Variants in ZNF233 observed in about 807,000 individuals in gnomAD.
The protein encoded by ZNF233 is zinc finger protein 233.
A neutral mutation model predicts 11.6 loss-of-function variants in ZNF233; 7 were observed. That is an observed-to-expected ratio of 0.60 (90% CI 0.34 to 1.13). ZNF233 has a LOEUF of 1.13. Ranked by LOEUF, ZNF233 falls within the 50% of genes most tolerant of loss-of-function variation. The pLI is 0.03. For missense variants in ZNF233, 711 were observed against 785.5 expected (o/e 0.91, Z 1.13); for synonymous variants, 226 against 268.5 (o/e 0.84, Z 1.55).
In ZNF233 at chr19:44,272,934, G is replaced by A. The variant is rs140047619; in HGVS notation, c.274G>A (p.Glu92Lys). The change falls in exon 5 of 5, where the codon GAA becomes AAA. Residue 92 changes from glutamate to lysine, a missense_variant. By Grantham distance (56) the Glu-to-Lys change is moderately conservative. Transcript: ENST00000683810. ...TCAAAATGAGATAGATACCCTTCAA[G>A]AAGTAAGATTAAGATTCCTTTCATA... ...KNQNEIDTLQ[E>K]VRLRFLSYED... 6.3e-4 allele frequency: 1,015 copies of A among 1,602,414 alleles called. 3 individuals are homozygous for A. Among genetic ancestry groups the A allele is most frequent in the South Asian group, 2.9e-3 (260 of 89,318 alleles).
At position 44,264,385 on chromosome 19, in the gene ZNF233, G is replaced by T. The variant is rs372144431; in HGVS notation, c.15+10G>T. On this transcript the variant is annotated intron_variant, in intron 2 of 4. Coordinates refer to ENST00000683810, the MANE Select transcript of ZNF233 (RefSeq NM_001207005.2). Reference sequence around the variant, plus strand: ...AATGACCAAGTTTCAGGTGAGTTGAGTTTTGATTTTTATCTCTTAAAATGA... The same window carrying T: ...AATGACCAAGTTTCAGGTGAGTTGATTTTTGATTTTTATCTCTTAAAATGA... 1 of 1,611,424 alleles carries T rather than the reference G, an allele frequency of 6.2e-7. No individual in the cohort carries two copies. The highest frequency in any genetic ancestry group is 1.3e-5 in the African/African-American group (1 of 74,732).
chr19:44,274,391 A>C lies in ZNF233; in HGVS notation c.1731A>C (p.Ser577=), dbSNP rs746339529. The C allele has an allele frequency of 6.2e-7, 1 of 1,613,726 alleles. No homozygotes were observed. The highest frequency in any genetic ancestry group is 8.5e-7 in the Non-Finnish European group (1 of 1,179,946). Residue 577 remains serine (S), a synonymous_variant, in exon 5 of 5, where the codon TCA becomes TCC. Transcript: ENST00000683810. Reference sequence around the variant, plus strand: ...GTGGGAAAGGCTTCAGTTGGAGTTCACATCTTCAAGCCCATCAGAGAGTCC... The same window carrying C: ...GTGGGAAAGGCTTCAGTTGGAGTTCCCATCTTCAAGCCCATCAGAGAGTCC... The part of the protein sequence containing the change: ...DVCGKGFSWS[S]HLQAHQRVHT...
intron 4 of ZNF233, chr19:44,267,284 T>G: frequency 2.5e-6 from 1 of 404,652 alleles, no homozygotes; most frequent in South Asian, 1.2e-4. Context: ...TTCCTATCCT[T>G]TGCTTTTCAC....
chr19:44,272,200 C>G (rs1203763795), intron 4 of ZNF233, among the ~76,000 whole-genome samples: 1 of 150,654 alleles, frequency 6.6e-6, no homozygotes, highest in Non-Finnish European at 1.5e-5. Flanking sequence ...CACACTCCAG[C>G]CTGGGCAAGA....
chr19:44,274,806 A>G lies in ZNF233; in HGVS notation c.*133A>G. 3 of 742,752 alleles carry G rather than the reference A, an allele frequency of 4.0e-6. No homozygotes were observed. Among genetic ancestry groups the G allele is most frequent in the Non-Finnish European group, 6.1e-6 (3 of 492,208 alleles). 46.0% of individuals were successfully genotyped at this position (742,752 alleles called of 1,614,324 possible). A position where few individuals can be genotyped will look rare whatever the true frequency, so the allele number is the denominator to read the frequency against. ...TCATGTTTTAAGAATTCATGAGCTG[A>G]GTTTTTATAGTTATCTGAATTCCAT... On this transcript the variant is annotated 3_prime_UTR_variant, in exon 5 of 5. Coordinates refer to ENST00000683810, the MANE Select transcript of ZNF233 (RefSeq NM_001207005.2).
chr19:44,259,991 T>C (rs1420994162), intron 1 of ZNF233, 53 bp downstream of exon 1: 2 of 444,762 alleles, frequency 4.5e-6, no homozygotes, highest in East Asian at 7.3e-5. Flanking sequence ...GGCCTGGGCG[T>C]TGGACTCGCA....
intron 2 of ZNF233, among the ~76,000 whole-genome samples, chr19:44,265,592 TTG>T (rs1311305406): frequency 6.6e-6 from 1 of 152,128 alleles, no homozygotes; most frequent in Non-Finnish European, 1.5e-5. Context: ...AGCTAATTTT[TTG>T]TGTTTTTAGT....
In ZNF233 at chr19:44,266,975, A is replaced by C. The variant is rs769183307; in HGVS notation, c.238+14A>C. On this transcript the variant is annotated intron_variant, in intron 4 of 4. Transcript: ENST00000683810. ...ATGGGTGTTCAGGTGAGAACCATGGAGCTCTGAGTCTTTGCGGGGTACAGC... is the reference window on the plus strand; with the variant it reads ...ATGGGTGTTCAGGTGAGAACCATGGCGCTCTGAGTCTTTGCGGGGTACAGC... The C allele has an allele frequency of 4.7e-5, 76 of 1,604,666 alleles. No individual in the cohort carries two copies. Among genetic ancestry groups the C allele is most frequent in the Non-Finnish European group, 5.6e-5 (66 of 1,172,504 alleles).
At chr19:44,270,813 T>C (rs1975218321) in intron 4 of ZNF233, among the ~76,000 whole-genome samples, 1 of 152,142 alleles carries the variant, frequency 6.6e-6, no homozygotes. Context: ...GGCAGCTAGT[T>C]TCTCCCAGAC....
intron 1 of ZNF233, among the ~76,000 whole-genome samples, chr19:44,261,648 C>CTTTTT (rs910276344): frequency 4.7e-5 from 6 of 128,286 alleles, no homozygotes; most frequent in Non-Finnish European, 6.6e-5. Flanking sequence ...AATGATTTCA[C>CTTTTT]TTTTTTTTTT....
intron 4 of ZNF233, among the ~76,000 whole-genome samples, chr19:44,271,826 TAA>T (rs1342594061): frequency 2.0e-5 from 3 of 152,072 alleles, no homozygotes; most frequent in Non-Finnish European, 4.4e-5. Context: ...GAGGGATTTT[TAA>T]GTGATTATTC....
intron 4 of ZNF233, 48 bp downstream of exon 4, chr19:44,267,009 C>G (rs757221482): frequency 2.1e-6 from 3 of 1,425,968 alleles, no homozygotes; most frequent in Non-Finnish European, 2.9e-6. Flanking sequence ...GCCTAGTCCT[C>G]TCCTCCTCAC....
rs1285890227 is a variant in ZNF233 at position 44,266,188 on chromosome 19, G to GA, written c.16-9dup. The GA allele has an allele frequency of 6.2e-7, 1 of 1,604,596 alleles. No individual in the cohort carries two copies. The highest frequency in any genetic ancestry group is 1.1e-5 in the South Asian group (1 of 90,274). ...CATAAGATTGAGATTACATCTGCTT[G>GA]ATGTTGTAGGAGATGGTGACATTCA... is the stretch of plus-strand genomic sequence containing the variant. On this transcript the variant is annotated splice_polypyrimidine_tract_variant and intron_variant, in intron 2 of 4. Coordinates refer to ENST00000683810, the MANE Select transcript of ZNF233 (RefSeq NM_001207005.2).
Position 44,273,424 on chromosome 19 carries a change from C to T in ZNF233, c.764C>T (p.Ser255Leu), listed in dbSNP as rs1357364975. Residue 255 changes from serine to leucine, a missense_variant, in exon 5 of 5, where the codon TCA (serine) becomes TTA (leucine). Physicochemically the swap from Ser to Leu is moderately radical, Grantham distance 145. Transcript: ENST00000683810. ...KESSQHSIIQ[S>L]GEQTSDENGK... is the part of the protein sequence containing the mutation. ...TCATCCCAGCATAGCATAATCCAAT[C>T]AGGAGAGCAAACCTCTGATGAAAAT... The T allele has an allele frequency of 1.1e-5, 17 of 1,614,098 alleles. No homozygotes were observed. The highest frequency in any genetic ancestry group is 1.6e-4 in the Middle Eastern group (1 of 6,084).
At position 44,273,769 on chromosome 19, in the gene ZNF233, G is replaced by C; in HGVS notation, c.1109G>C (p.Cys370Ser). 6.2e-7 allele frequency: 1 copy of C among 1,614,172 alleles called. No homozygotes were observed. The highest frequency in any genetic ancestry group is 8.5e-7 in the Non-Finnish European group (1 of 1,180,032). Reference protein sequence around the residue: ...HELTHPGEKLCTCGRCGKGFH... With the variant: ...HELTHPGEKLSTCGRCGKGFH... Reference sequence around the variant, plus strand: ...CTTACTCACCCAGGAGAGAAGTTGTGTACATGTGGCAGGTGTGGGAAGGGC... The same window carrying C: ...CTTACTCACCCAGGAGAGAAGTTGTCTACATGTGGCAGGTGTGGGAAGGGC... Residue 370 changes from cysteine to serine, a missense_variant, in exon 5 of 5, where the codon TGT (cysteine) becomes TCT (serine). Transcript: ENST00000683810.
chr19:44,261,648 C>CTTTT (rs910276344), intron 1 of ZNF233, among the ~76,000 whole-genome samples: 10 of 128,258 alleles, frequency 7.8e-5, no homozygotes, highest in African/African-American at 2.4e-4. Flanking sequence ...AATGATTTCA[C>CTTTT]TTTTTTTTTT....
intron 1 of ZNF233, among the ~76,000 whole-genome samples, chr19:44,261,468 AG>A (rs1458783658): frequency 6.6e-6 from 1 of 151,972 alleles, no homozygotes; most frequent in Non-Finnish European, 1.5e-5. Context: ...TTCACAGTTT[AG>A]GCAATGACTG....
At position 44,266,866 on chromosome 19, in the gene ZNF233, G is replaced by A. The variant is rs1326147838; in HGVS notation, c.143G>A (p.Gly48Asp). Reference sequence around the variant, plus strand: ...TATATATGCCATTTCTTTTTCACAGGCTATCAACCCTTCAAACTAGATGTG... The same window carrying A: ...TATATATGCCATTTCTTTTTCACAGACTATCAACCCTTCAAACTAGATGTG... ...LENFRNLLSV[G>D]YQPFKLDVIL... Residue 48 changes from glycine to aspartate, a missense_variant and splice_region_variant, in exon 4 of 5, where the codon GGC (glycine) becomes GAC (aspartate). Transcript: ENST00000683810. 1 of 1,611,180 alleles carries A rather than the reference G, an allele frequency of 6.2e-7. No homozygotes were observed. The highest frequency in any genetic ancestry group is 1.1e-5 in the South Asian group (1 of 90,824).
At chr19:44,272,562 G>A (rs531342016) in intron 4 of ZNF233, among the ~76,000 whole-genome samples, 8 of 151,560 alleles carry the variant, frequency 5.3e-5, no homozygotes, top group Admixed American at 2.6e-4. Context: ...GTGAAACCCC[G>A]TCTGTACTAA....
Sources: gnomAD v4.1 joint callset for allele counts (sites outside exome capture counted in the v4.1 genomes callset) on GRCh38, gnomAD v4.1.1 for gene constraint, MANE v1.5 for transcripts, NCBI Gene and HGNC (gene_info 2026-07-23, HGNC 2026-07-21) for gene names.